PPP3R1: variants seen among roughly 807,000 people sequenced by gnomAD.
The protein encoded by PPP3R1 is protein phosphatase 3 regulatory subunit B, alpha.
Under a neutral mutation model 22.6 loss-of-function variants are expected in PPP3R1, and 5 were observed. That is an observed-to-expected ratio of 0.22 (90% CI 0.12 to 0.46). The LOEUF is 0.46. PPP3R1 is among the 20% of genes least tolerant of loss of function. The pLI is 0.99. For synonymous variants in PPP3R1, 56 were observed against 65.2 expected (o/e 0.86, Z 0.68); for missense variants, 61 against 203.2 (o/e 0.30, Z 4.25).
At position 68,231,202 on chromosome 2, in the gene PPP3R1, G is replaced by C. The variant is rs927018333; in HGVS notation, c.4-14071C>G. 8.6e-5 allele frequency among the ~76,000 whole-genome samples: 13 copies of C among 151,946 alleles called. No homozygotes were observed. In the South Asian group the frequency reaches 2.7e-3, roughly 32 times the overall value. On this transcript the variant is annotated intron_variant, in intron 1 of 5. Transcript: ENST00000234310. ...AGTCTGTTTACTGTTGTTCAGACTG[G>C]GTAACTACTTCTGCCTGCTAGTTCA...
intron 1 of PPP3R1, among the ~76,000 whole-genome samples, chr2:68,230,223 G>A (rs536939231): frequency 2.4e-4 from 37 of 152,098 alleles, no homozygotes; most frequent in Non-Finnish European, 4.4e-4. Flanking sequence ...AAACTCCTGA[G>A]CTCAGGCAAT....
chr2:68,223,821 A>AC (rs1316705938), intron 1 of PPP3R1, among the ~76,000 whole-genome samples: 4 of 151,776 alleles, frequency 2.6e-5, no homozygotes, highest in African/African-American at 9.7e-5. Context: ...AAAAAAAAAA[A>AC]CAAAAGGTAT....
At chr2:68,209,579 C>G (rs771306472) in intron 2 of PPP3R1, among the ~76,000 whole-genome samples, 5 of 151,446 alleles carry the variant, frequency 3.3e-5, no homozygotes, top group Non-Finnish European at 5.9e-5. Context: ...ATAATAAAAC[C>G]CGGACTCTAC....
At chr2:68,219,506 G>A (rs1024752766) in intron 1 of PPP3R1, among the ~76,000 whole-genome samples, 1 of 152,066 alleles carries the variant, frequency 6.6e-6, no homozygotes, top group African/African-American at 2.4e-5. Context: ...TTTCATTCAG[G>A]TTTGGTGTGT....
At chr2:68,225,940 T>C (rs545736389) in intron 1 of PPP3R1, among the ~76,000 whole-genome samples, 5 of 152,326 alleles carry the variant, frequency 3.3e-5, no homozygotes, top group East Asian at 3.9e-4. Context: ...ACAACCTAAA[T>C]GTCTTCAACT....
At chr2:68,226,600 TTACAG>T (rs983238191) in intron 1 of PPP3R1, among the ~76,000 whole-genome samples, 3 of 152,148 alleles carry the variant, frequency 2.0e-5, no homozygotes, top group Non-Finnish European at 4.4e-5. Flanking sequence ...CTATTTACAC[TTACAG>T]TAATCTTGAC....
At chr2:68,182,848 CT>C (rs113248700) in intron 5 of PPP3R1, among the ~76,000 whole-genome samples, 2,675 of 152,012 alleles carry the variant, frequency 0.018, 83 homozygotes, top group African/African-American at 0.06. Flanking sequence ...CAGTTAATTC[CT>C]TTGCTGGGTG....
At chr2:68,226,290 C>A (rs1669779553) in intron 1 of PPP3R1, among the ~76,000 whole-genome samples, 1 of 152,260 alleles carries the variant, frequency 6.6e-6, no homozygotes, top group Admixed American at 6.5e-5. Context: ...ATTAACTATG[C>A]ACTTAAAACT....
At chr2:68,232,146 TG>T in intron 1 of PPP3R1, among the ~76,000 whole-genome samples, 2 of 38,938 alleles carry the variant, frequency 5.1e-5, no homozygotes, top group Non-Finnish European at 9.0e-5. Context: ...CACATATATA[TG>T]TATATATATA....
chr2:68,208,011 C>T (rs1669358010), intron 2 of PPP3R1, among the ~76,000 whole-genome samples: 2 of 152,094 alleles, frequency 1.3e-5, no homozygotes. Context: ...CAAAAATTAG[C>T]CAGGCGTGGT....
chr2:68,199,038 A>G (rs530907252), intron 2 of PPP3R1, among the ~76,000 whole-genome samples: 6 of 152,266 alleles, frequency 3.9e-5, no homozygotes, highest in African/African-American at 1.4e-4. Flanking sequence ...ATCTTGGCTC[A>G]CTGCCACCTC....
At chr2:68,220,360 C>G (rs1234156887) in intron 1 of PPP3R1, among the ~76,000 whole-genome samples, 3 of 152,214 alleles carry the variant, frequency 2.0e-5, no homozygotes, top group African/African-American at 7.2e-5. Context: ...TGAGAGGAAA[C>G]TCCCCAAGTC....
intron 2 of PPP3R1, among the ~76,000 whole-genome samples, chr2:68,209,499 A>G (rs965611271): frequency 4.0e-5 from 6 of 151,882 alleles, no homozygotes; most frequent in Non-Finnish European, 7.4e-5. Context: ...CATGCCTGTA[A>G]TCCCAATACT....
intron 2 of PPP3R1, among the ~76,000 whole-genome samples, chr2:68,202,708 A>G (rs1675006915): frequency 6.6e-6 from 1 of 151,726 alleles, no homozygotes; most frequent in Admixed American, 6.6e-5. Context: ...TACAGGTGTA[A>G]GCCACTGTGC....
intron 1 of PPP3R1, among the ~76,000 whole-genome samples, chr2:68,246,623 T>G (rs59663815): frequency 0.29 from 44,488 of 152,040 alleles, 7,743 homozygotes; most frequent in South Asian, 0.53. Context: ...GACTCCTTCC[T>G]CTTTAAGACT....
At chr2:68,185,667 ACCAAATG>A (rs1254152302) in intron 5 of PPP3R1, among the ~76,000 whole-genome samples, 3 of 152,012 alleles carry the variant, frequency 2.0e-5, no homozygotes, top group Non-Finnish European at 4.4e-5. Context: ...GTCACACTCC[ACCAAATG>A]CCAGTTCACA....
intron 5 of PPP3R1, among the ~76,000 whole-genome samples, chr2:68,182,071 AC>A (rs200145582): frequency 0.1 from 3,893 of 38,598 alleles, 312 homozygotes; most frequent in African/African-American, 0.37. Context: ...CCCTCCTCCA[AC>A]CCCCCCCTCC....
rs1161809360 is a variant in PPP3R1 at position 68,252,300 on chromosome 2, G to T, written c.-173C>A. On this transcript the variant is annotated 5_prime_UTR_variant, in exon 1 of 6. Coordinates refer to ENST00000234310, the MANE Select transcript of PPP3R1 (RefSeq NM_000945.4). ...GCCGCGGGGCCCGCGCCGGCCGGGC[G>T]ATTGGGCACGCGAGGGAGCGGGCAG... The T allele has an allele frequency of 1.1e-5, 11 of 1,027,628 alleles. No homozygotes were observed. Among genetic ancestry groups the T allele is most frequent in the South Asian group, 4.4e-5 (1 of 22,494 alleles). 63.7% of individuals were successfully genotyped at this position (1,027,628 alleles called of 1,614,324 possible).
At position 68,202,410 on chromosome 2, in the gene PPP3R1, TTG is replaced by T. The variant is rs1312138526; in HGVS notation, c.44-13722_44-13721del. ...CTTCCTTTTCTTTTTTCGTTTTTTG[TTG>T]TTGTTGTTGTTGTTGTTGTTGTTGT... is the stretch of plus-strand genomic sequence containing the variant. On this transcript the variant is annotated intron_variant, in intron 2 of 5. Coordinates refer to ENST00000234310, the MANE Select transcript of PPP3R1 (RefSeq NM_000945.4). Among the ~76,000 whole-genome samples the T allele has an allele frequency of 1.3e-3, 47 of 35,012 alleles. 1 individual carries two copies. Among genetic ancestry groups the T allele is most frequent in the African/African-American group, 7.2e-3 (46 of 6,354 alleles). 23.0% of individuals were successfully genotyped at this position (35,012 alleles called of 152,430 possible). A position where few individuals can be genotyped will look rare whatever the true frequency, so the allele number is the denominator to read the frequency against.
Sources: gnomAD v4.1 joint callset for allele counts (sites outside exome capture counted in the v4.1 genomes callset) on GRCh38, gnomAD v4.1.1 for gene constraint, MANE v1.5 for transcripts, NCBI Gene and HGNC (gene_info 2026-07-23, HGNC 2026-07-21) for gene names.